The following CMIP variants were observed in gnomAD, a reference collection of about 807,000 sequenced individuals.
CMIP encodes c-Maf inducing protein.
CMIP carries 13 observed loss-of-function variants against 97.3 expected under a neutral mutation model. The ratio of observed to expected loss-of-function variants is 0.13; its 90% CI spans 0.09 to 0.21. The LOEUF is 0.21. CMIP is among the 10% of genes least tolerant of loss of function. CMIP has a pLI of 1.00. For synonymous variants in CMIP, 538 were observed against 436.3 expected, an observed-to-expected ratio of 1.23 and a Z score of -2.91; for missense variants, 847 against 1,024.9, an observed-to-expected ratio of 0.83 and a Z score of 2.37.
rs181667331 is a variant in CMIP at position 81,551,848 on chromosome 16, T to A, written c.301-55719T>A. Among the ~76,000 whole-genome samples, 347 of 152,282 alleles carry A rather than the reference T, an allele frequency of 2.3e-3. 1 individual carries two copies. Among genetic ancestry groups the A allele is most frequent in the African/African-American group, 7.7e-3 (321 of 41,558 alleles). ...TGACAGCTCCTGCTCCCATAGACAG[T>A]TCCCCATGCATCCTCAGATGGGTGA... On this transcript the variant is annotated intron_variant, in intron 1 of 20. Coordinates refer to ENST00000537098, the MANE Select transcript of CMIP (RefSeq NM_198390.3).
chr16:81,703,564 C>T (rs1026767577), intron 17 of CMIP, among the ~76,000 whole-genome samples: 7 of 151,758 alleles, frequency 4.6e-5, no homozygotes, highest in Admixed American at 3.3e-4. Context: ...CATACACAAA[C>T]GTGCACACAG....
chr16:81,644,993 C>T lies in CMIP; in HGVS notation c.478-7210C>T, dbSNP rs977561952. On this transcript the variant is annotated intron_variant, in intron 3 of 20. Transcript: ENST00000537098. ...GTGATGACAGGGACACCAAGACTTT[C>T]GGATAGCACTGCCCGACGGAGCATT... Among the ~76,000 whole-genome samples, 16 of 152,212 alleles carry T rather than the reference C, an allele frequency of 1.1e-4. No homozygotes were observed. The East Asian group carries it at 1.9e-3, about 18-fold the overall frequency.
At chr16:81,679,887 C>G (rs184873383) in intron 10 of CMIP, among the ~76,000 whole-genome samples, 5 of 152,162 alleles carry the variant, frequency 3.3e-5, no homozygotes, top group African/African-American at 4.8e-5. Flanking sequence ...CCTTCTGCCC[C>G]CCACAGAGCC....
At chr16:81,707,131 C>T (rs374443030) in intron 20 of CMIP, 47 bp downstream of exon 20, 3 of 1,532,322 alleles carry the variant, frequency 2.0e-6, no homozygotes, top group African/African-American at 1.4e-5. Flanking sequence ...TTCTTCTAGC[C>T]AGCATCTGGA....
intron 1 of CMIP, among the ~76,000 whole-genome samples, chr16:81,551,212 C>A (rs2090651448): frequency 6.6e-6 from 1 of 151,412 alleles, no homozygotes; most frequent in African/African-American, 2.4e-5. Flanking sequence ...ATCACACGCA[C>A]CCCAGTTCCA....
At chr16:81,461,332 A>G (rs1192901002) in intron 1 of CMIP, among the ~76,000 whole-genome samples, 1 of 152,018 alleles carries the variant, frequency 6.6e-6, no homozygotes, top group Admixed American at 6.5e-5. Flanking sequence ...TTGTTTTTAT[A>G]ATTAGAATCA....
chr16:81,673,140 G>A (rs1252500791), intron 9 of CMIP, among the ~76,000 whole-genome samples: 1 of 152,146 alleles, frequency 6.6e-6, no homozygotes, highest in Non-Finnish European at 1.5e-5. Flanking sequence ...ACCAGGATTT[G>A]GGTGGAAGTG....
At chr16:81,532,197 C>G (rs564317072) in intron 1 of CMIP, among the ~76,000 whole-genome samples, 1 of 152,330 alleles carries the variant, frequency 6.6e-6, no homozygotes, top group Admixed American at 6.5e-5. Flanking sequence ...CTCAGGAGTC[C>G]ATGCTTTCTG....
intron 1 of CMIP, among the ~76,000 whole-genome samples, chr16:81,462,096 C>A (rs1283660256): frequency 6.6e-6 from 1 of 152,214 alleles, no homozygotes; most frequent in Non-Finnish European, 1.5e-5. Context: ...ATTTCTGCAT[C>A]CCATGACTTG....
intron 1 of CMIP, among the ~76,000 whole-genome samples, chr16:81,462,940 T>C (rs1906981137): frequency 6.6e-6 from 1 of 152,188 alleles, no homozygotes; most frequent in South Asian, 2.1e-4. Flanking sequence ...TAAAGAATAC[T>C]AAGCATGAGA....
chr16:81,531,343 G>T (rs1020060599), intron 1 of CMIP, among the ~76,000 whole-genome samples: 59 of 152,304 alleles, frequency 3.9e-4, no homozygotes, highest in Non-Finnish European at 7.2e-4. Context: ...AGAGCCTCCG[G>T]AGGAAATCAA....
At chr16:81,525,998 G>C (rs1378567506) in intron 1 of CMIP, among the ~76,000 whole-genome samples, 9 of 32,914 alleles carry the variant, frequency 2.7e-4, no homozygotes, top group South Asian at 1.3e-3. Context: ...GTGTGTGTGT[G>C]TGTGTGTGTC....
intron 1 of CMIP, among the ~76,000 whole-genome samples, chr16:81,599,408 A>G (rs1471601217): frequency 1.3e-5 from 2 of 152,196 alleles, no homozygotes; most frequent in African/African-American, 2.4e-5. Context: ...AACATGAAAT[A>G]TTTTGACGGG....
intron 3 of CMIP, among the ~76,000 whole-genome samples, chr16:81,628,259 G>A (rs975033959): frequency 1.3e-5 from 2 of 152,116 alleles, no homozygotes; most frequent in Admixed American, 1.3e-4. Flanking sequence ...CACTCCTAGT[G>A]TCCTAGAGAT....
chr16:81,634,231 ATCTATTGAGTG>A (rs773508784), intron 3 of CMIP, among the ~76,000 whole-genome samples: 5 of 152,186 alleles, frequency 3.3e-5, no homozygotes, highest in Non-Finnish European at 7.3e-5. Context: ...AACAATAAAC[ATCTATTGAGTG>A]CCTACTGTTT....
Position 81,458,043 on chromosome 16 carries a change from G to A in CMIP, c.300+12502G>A, listed in dbSNP as rs185999829. 2.3e-3 allele frequency among the ~76,000 whole-genome samples: 346 copies of A among 152,336 alleles called. 3 individuals carry two copies. Among genetic ancestry groups the A allele is most frequent in the Non-Finnish European group, 4.5e-3 (305 of 68,032 alleles). ...AATTACATCATGCCAATAAGAGAGA[G>A]GGGGAGAAATTAGCATTAGAAAGTT... On this transcript the variant is annotated intron_variant, in intron 1 of 20. Coordinates refer to ENST00000537098, the MANE Select transcript of CMIP (RefSeq NM_198390.3).
intron 1 of CMIP, among the ~76,000 whole-genome samples, chr16:81,543,897 G>T (rs754173178): frequency 1.3e-5 from 2 of 152,176 alleles, no homozygotes; most frequent in Non-Finnish European, 2.9e-5. Flanking sequence ...TAAAGAAGAG[G>T]GTTTACTGAG....
chr16:81,523,076 A>T (rs989148504), intron 1 of CMIP, among the ~76,000 whole-genome samples: 6 of 152,030 alleles, frequency 3.9e-5, no homozygotes, highest in Non-Finnish European at 5.9e-5. Flanking sequence ...ACAGGCACGC[A>T]TCACCACATC....
chr16:81,597,110 T>C (rs1047956623), intron 1 of CMIP, among the ~76,000 whole-genome samples: 1 of 152,180 alleles, frequency 6.6e-6, no homozygotes, highest in Admixed American at 6.5e-5. Context: ...CAGGGAACAC[T>C]TGTGCAAACA....
Sources: allele counts gnomAD v4.1 joint callset (sites outside exome capture counted in the v4.1 genomes callset), GRCh38; gene constraint gnomAD v4.1.1; transcripts MANE v1.5; gene names NCBI Gene and HGNC (gene_info 2026-07-23, HGNC 2026-07-21).